The following COLEC12 variants were observed in gnomAD, a reference collection of about 807,000 sequenced individuals.
COLEC12 encodes the protein collectin subfamily member 12, also known as collectin-12.
In COLEC12, 33 loss-of-function variants were observed where a neutral mutation model predicts 71.1. The observed-to-expected ratio is 0.46, with a 90% CI of 0.35 to 0.62. The LOEUF (loss-of-function observed/expected upper bound fraction) is 0.62, where lower values mean the gene tolerates loss of function less well. Among genes scored for constraint, COLEC12 ranks in the 20% least tolerant of loss-of-function variants. COLEC12 has a pLI of 0.00. For missense variants in COLEC12, 765 were observed against 916.1 expected (o/e 0.84, Z 2.13); for synonymous variants, 350 against 353.0 (o/e 0.99, Z 0.10).
chr18:406,463 T>C (rs1486567189), intron 2 of COLEC12, among the ~76,000 whole-genome samples: 8 of 129,182 alleles, frequency 6.2e-5, no homozygotes, highest in Admixed American at 9.5e-5. Context: ...GAGCCGAGAT[T>C]GCGCCACTGC....
intron 3 of COLEC12, among the ~76,000 whole-genome samples, chr18:353,607 G>A (rs1489198543): frequency 6.6e-6 from 1 of 152,136 alleles, no homozygotes; most frequent in Non-Finnish European, 1.5e-5. Flanking sequence ...CATGTAGGTG[G>A]CATAGTGCTA....
intron 2 of COLEC12, among the ~76,000 whole-genome samples, chr18:414,156 A>G (rs938317150): frequency 1.3e-5 from 2 of 152,190 alleles, no homozygotes; most frequent in Non-Finnish European, 2.9e-5. Flanking sequence ...GTACATAGGA[A>G]CTCCATATTA....
At chr18:366,229 G>A (rs758086681) in intron 2 of COLEC12, among the ~76,000 whole-genome samples, 14 of 152,172 alleles carry the variant, frequency 9.2e-5, no homozygotes, top group Non-Finnish European at 1.9e-4. Context: ...GGCATGTAGC[G>A]GGGGACGTAG....
chr18:471,947 TA>T (rs201026725), intron 2 of COLEC12, among the ~76,000 whole-genome samples: 1 of 151,934 alleles, frequency 6.6e-6, no homozygotes, highest in South Asian at 2.1e-4. Flanking sequence ...GCTTTGCCTC[TA>T]AAAAAAAGGC....
chr18:451,726 A>G (rs1383329921), intron 2 of COLEC12, among the ~76,000 whole-genome samples: 1 of 151,800 alleles, frequency 6.6e-6, no homozygotes, highest in East Asian at 1.9e-4. Flanking sequence ...CAGCCTGGAC[A>G]ACAAAGCGAG....
intron 2 of COLEC12, among the ~76,000 whole-genome samples, chr18:434,890 A>T (rs1053142825): frequency 2.0e-5 from 3 of 152,056 alleles, no homozygotes; most frequent in Admixed American, 6.5e-5. Context: ...CTAGCCACAT[A>T]TCCTTCCATT....
At chr18:460,796 G>A (rs113276467) in intron 2 of COLEC12, among the ~76,000 whole-genome samples, 3 of 6,424 alleles carry the variant, frequency 4.7e-4, no homozygotes, top group African/African-American at 9.6e-4. Context: ...AGTGTCTACC[G>A]GTCACTCTCC....
intron 2 of COLEC12, among the ~76,000 whole-genome samples, chr18:448,054 C>T (rs981359495): frequency 1.3e-5 from 2 of 152,160 alleles, no homozygotes; most frequent in African/African-American, 4.8e-5. Flanking sequence ...TGTTGTCTCC[C>T]TGTGACTGAA....
At chr18:467,684 A>G (rs965981417) in intron 2 of COLEC12, among the ~76,000 whole-genome samples, 1 of 152,234 alleles carries the variant, frequency 6.6e-6, no homozygotes, top group Non-Finnish European at 1.5e-5. Flanking sequence ...TGGAAGGAAA[A>G]GAATCTTCCA....
chr18:322,534 G>A (rs1003004301), intron 8 of COLEC12, among the ~76,000 whole-genome samples: 3 of 152,200 alleles, frequency 2.0e-5, no homozygotes, highest in Admixed American at 1.3e-4. Context: ...GCTCAGAACA[G>A]CACCTTGCCA....
intron 2 of COLEC12, among the ~76,000 whole-genome samples, chr18:451,475 C>T (rs753301454): frequency 7.9e-5 from 12 of 152,110 alleles, no homozygotes; most frequent in Non-Finnish European, 1.5e-4. Flanking sequence ...AGGCCAGGCG[C>T]GGTGGCTCAT....
At chr18:393,053 T>C (rs896638443) in intron 2 of COLEC12, among the ~76,000 whole-genome samples, 2 of 152,206 alleles carry the variant, frequency 1.3e-5, no homozygotes, top group South Asian at 2.1e-4. Flanking sequence ...TTCCTCTAGA[T>C]ACCCTAAGTT....
intron 2 of COLEC12, among the ~76,000 whole-genome samples, chr18:368,813 C>T (rs946107022): frequency 7.9e-5 from 12 of 152,188 alleles, no homozygotes; most frequent in African/African-American, 2.7e-4. Context: ...TTGCAGTGAG[C>T]CGAGATCACG....
At chr18:421,640 G>A (rs1041845401) in intron 2 of COLEC12, among the ~76,000 whole-genome samples, 1 of 152,030 alleles carries the variant, frequency 6.6e-6, no homozygotes, top group South Asian at 2.1e-4. Flanking sequence ...ACAGAAAGTC[G>A]GTGCTGAAGC....
intron 2 of COLEC12, among the ~76,000 whole-genome samples, chr18:410,077 T>C (rs1915864313): frequency 6.6e-6 from 1 of 152,244 alleles, no homozygotes; most frequent in Non-Finnish European, 1.5e-5. Flanking sequence ...TGTAGCATTC[T>C]TCTGAGGATT....
chr18:437,450 T>C (rs1225054548), intron 2 of COLEC12, among the ~76,000 whole-genome samples: 1 of 152,188 alleles, frequency 6.6e-6, no homozygotes, highest in Non-Finnish European at 1.5e-5. Flanking sequence ...GATTTTTTTT[T>C]TCAAGTCTGT....
At chr18:419,498 C>T (rs1916055290) in intron 2 of COLEC12, among the ~76,000 whole-genome samples, 1 of 152,172 alleles carries the variant, frequency 6.6e-6, no homozygotes, top group Non-Finnish European at 1.5e-5. Context: ...AGCCACTGTG[C>T]CCAGCCCTGT....
chr18:434,033 A>G (rs1227404494), intron 2 of COLEC12, among the ~76,000 whole-genome samples: 1 of 151,802 alleles, frequency 6.6e-6, no homozygotes, highest in Non-Finnish European at 1.5e-5. Context: ...CATAATTAAG[A>G]GAGAGAAAAG....
intron 1 of COLEC12, among the ~76,000 whole-genome samples, chr18:482,860 G>T (rs888963381): frequency 1.3e-5 from 2 of 150,668 alleles, no homozygotes; most frequent in African/African-American, 4.9e-5. Flanking sequence ...TGATCCGCCC[G>T]CCTCGGCCTC....
Sources: allele counts gnomAD v4.1 joint callset (sites outside exome capture counted in the v4.1 genomes callset), GRCh38; gene constraint gnomAD v4.1.1; transcripts MANE v1.5; gene names NCBI Gene and HGNC (gene_info 2026-07-23, HGNC 2026-07-21).